EHBP1: variants seen among roughly 807,000 people sequenced by gnomAD.
EHBP1 encodes EH domain-binding protein 1.
Under a neutral mutation model 144.0 loss-of-function variants are expected in EHBP1, and 55 were observed. The observed-to-expected ratio is 0.38, with a 90% CI of 0.31 to 0.48. The LOEUF is 0.48. EHBP1 is among the 20% of genes least tolerant of loss of function. The pLI, the probability that EHBP1 is intolerant of heterozygous loss-of-function variation, is 0.98. For missense variants in EHBP1, 1,200 were observed against 1,364.2 expected (o/e 0.88, Z 1.90); for synonymous variants, 469 against 472.7 (o/e 0.99, Z 0.10).
At position 62,687,859 on chromosome 2, in the gene EHBP1, T is replaced by TAAGAGTG. The variant is rs1372804397; in HGVS notation, c.-296+13778_-296+13784dup. 3.3e-5 allele frequency among the ~76,000 whole-genome samples: 5 copies of TAAGAGTG among 152,226 alleles called. No individual in the cohort carries two copies. In the East Asian group the frequency reaches 5.8e-4, roughly 18 times the overall value. ...GTTGAATAGATTGAAAGAAAGATAG[T>TAAGAGTG]AAGAGTGAGTCAGTCCCAAAGTAGT... On this transcript the variant is annotated intron_variant, in intron 1 of 22. Coordinates refer to the EHBP1 transcript ENST00000405015.
In EHBP1 at chr2:62,721,950, C is replaced by T. The variant is rs190656860; in HGVS notation, c.104+14655C>T. 3.9e-5 allele frequency among the ~76,000 whole-genome samples: 6 copies of T among 152,186 alleles called. No individual in the cohort carries two copies. In the East Asian group the frequency reaches 1.2e-3, roughly 29 times the overall value. On this transcript the variant is annotated intron_variant, in intron 2 of 22. Transcript: ENST00000431489. Reference sequence around the variant, plus strand: ...TTATAGAAAAGTTGCAAACACAATACAAATAATTCACATATACATTTCCCC... The same window carrying T: ...TTATAGAAAAGTTGCAAACACAATATAAATAATTCACATATACATTTCCCC...
At chr2:62,798,314 G>A (rs1278432673) in intron 5 of EHBP1, among the ~76,000 whole-genome samples, 1 of 151,954 alleles carries the variant, frequency 6.6e-6, no homozygotes, top group African/African-American at 2.4e-5. Context: ...GTTGCAGTGA[G>A]CTGGGGTTAC....
chr2:62,755,433 T>C (rs141625133), intron 3 of EHBP1, among the ~76,000 whole-genome samples: 2,325 of 152,304 alleles, frequency 0.015, 27 homozygotes, highest in Non-Finnish European at 0.019. Context: ...TCCAGTTTTT[T>C]ACTCTTGTGA....
Position 63,045,067 on chromosome 2 carries a change from C to T in EHBP1, c.3279C>T (p.Asp1093=). The T allele has an allele frequency of 1.9e-6, 3 of 1,553,294 alleles. No individual in the cohort carries two copies. The highest frequency in any genetic ancestry group is 2.6e-6 in the Non-Finnish European group (3 of 1,146,108). Residue 1093 remains aspartate, a splice_region_variant and synonymous_variant, in exon 22 of 23, where the codon GAC becomes GAT. Transcript: ENST00000431489. This position sits in a 1 kb window ranked among gnomAD's most constrained non-coding sequence, Gnocchi z 5.7. ...RELRAMLAIE[D]WQKTEAQKRR... is the part of the protein sequence containing the mutation. Reference sequence around the variant, plus strand: ...TAACTAGCCTCCCGTCTTCTGCAGACTGGCAGAAGACCGAGGCCCAGAAGC... The same window carrying T: ...TAACTAGCCTCCCGTCTTCTGCAGATTGGCAGAAGACCGAGGCCCAGAAGC...
At chr2:62,722,611 C>A (rs1386544248) in intron 2 of EHBP1, among the ~76,000 whole-genome samples, 2 of 152,132 alleles carry the variant, frequency 1.3e-5, no homozygotes, top group Non-Finnish European at 2.9e-5. Flanking sequence ...TAATCCAGGA[C>A]CATATGTTAC....
upstream of EHBP1, among the ~76,000 whole-genome samples, chr2:62,705,116 G>T (rs1366072352): frequency 6.6e-6 from 1 of 152,066 alleles, no homozygotes; most frequent in African/African-American, 2.4e-5. Context: ...GGTGTCGGGG[G>T]GTGCCTGACA....
chr2:62,997,944 T>G (rs2059707051), intron 19 of EHBP1, among the ~76,000 whole-genome samples: 1 of 152,140 alleles, frequency 6.6e-6, no homozygotes, highest in Admixed American at 6.5e-5. Context: ...TTACTTCAAA[T>G]AGAGTGGCTC....
intron 5 of EHBP1, among the ~76,000 whole-genome samples, chr2:62,803,723 C>T (rs892721628): frequency 1.3e-5 from 2 of 152,112 alleles, no homozygotes; most frequent in Non-Finnish European, 1.5e-5. Flanking sequence ...GATATTTTCA[C>T]CCTGTCATTT....
At chr2:62,858,778 G>T (rs1021822724) in intron 7 of EHBP1, among the ~76,000 whole-genome samples, 1 of 152,128 alleles carries the variant, frequency 6.6e-6, no homozygotes, top group African/African-American at 2.4e-5. Context: ...CTTCTTCAGT[G>T]TGTTTATATA....
Position 62,941,288 on chromosome 2 carries a change from G to A in EHBP1, c.1186-1430G>A, listed in dbSNP as rs115064120. On this transcript the variant is annotated intron_variant, in intron 10 of 22. Transcript: ENST00000431489. ...TATTTAATAGTTCATTTTTACACTA[G>A]ATTGCTAGTTAGCTATTATTTTTTC... Among the ~76,000 whole-genome samples, 788 of 152,150 alleles carry A rather than the reference G, an allele frequency of 5.2e-3. 4 individuals are homozygous for A. The highest frequency in any genetic ancestry group is 7.8e-3 in the Non-Finnish European group (528 of 67,946).
intron 10 of EHBP1, among the ~76,000 whole-genome samples, chr2:62,942,068 C>G (rs1249735721): frequency 7.9e-5 from 12 of 152,020 alleles, no homozygotes; most frequent in Non-Finnish European, 1.5e-5. Flanking sequence ...AAAAGTAGCT[C>G]TCAATGATAA....
intron 2 of EHBP1, 74 bp downstream of exon 2, chr2:62,707,369 G>C (rs2034692485): frequency 3.6e-6 from 4 of 1,109,044 alleles, no homozygotes; most frequent in Non-Finnish European, 5.5e-6. Context: ...TGGGTCTTCT[G>C]ATAGTATATT....
chr2:62,834,093 A>G (rs1002088754), intron 7 of EHBP1, among the ~76,000 whole-genome samples: 10 of 152,236 alleles, frequency 6.6e-5, no homozygotes, highest in African/African-American at 2.4e-4. Context: ...TAAAACTTGA[A>G]TGGATGAGGA....
intron 10 of EHBP1, among the ~76,000 whole-genome samples, chr2:62,907,118 T>G (rs1013134051): frequency 6.6e-6 from 1 of 152,222 alleles, no homozygotes; most frequent in African/African-American, 2.4e-5. Flanking sequence ...CCAATTTTTG[T>G]GTGATTAAAA....
At chr2:62,683,706 T>TA (rs2033615632) in intron 1 of EHBP1, among the ~76,000 whole-genome samples, 1 of 130,232 alleles carries the variant, frequency 7.7e-6, no homozygotes, top group Non-Finnish European at 1.6e-5. Context: ...GGTCAGCACC[T>TA]AAACTACACA....
chr2:62,726,245 G>C (rs1329732937), intron 2 of EHBP1, among the ~76,000 whole-genome samples: 2 of 152,172 alleles, frequency 1.3e-5, no homozygotes, highest in Non-Finnish European at 2.9e-5. Context: ...CTGCCAACTC[G>C]AGTGTCCATT....
chr2:62,679,726 A>C (rs1299592476), intron 1 of EHBP1, among the ~76,000 whole-genome samples: 1 of 152,262 alleles, frequency 6.6e-6, no homozygotes, highest in African/African-American at 2.4e-5. Flanking sequence ...TTTTAAAAAA[A>C]TAAAATGGCA....
At chr2:62,989,396 A>G (rs145429070) in intron 15 of EHBP1, among the ~76,000 whole-genome samples, 163 of 152,260 alleles carry the variant, frequency 1.1e-3, no homozygotes, top group African/African-American at 3.7e-3. Context: ...ATATGTCCTG[A>G]TTCTACAGTA....
intron 2 of EHBP1, among the ~76,000 whole-genome samples, chr2:62,722,137 T>C (rs577339888): frequency 6.8e-6 from 1 of 146,626 alleles, no homozygotes; most frequent in South Asian, 2.2e-4. Flanking sequence ...AGGAATTTTG[T>C]TTTTTTTTTT....
Sources: gnomAD v4.1 joint callset for allele counts (sites outside exome capture counted in the v4.1 genomes callset) on GRCh38, gnomAD v4.1.1 for gene constraint, Gnocchi (gnomAD v3.1) non-coding constraint, MANE v1.5 for transcripts, NCBI Gene and HGNC (gene_info 2026-07-23, HGNC 2026-07-21) for gene names.